Variants in AGBL4 observed in about 807,000 individuals in gnomAD.
AGBL4 encodes the protein cytosolic carboxypeptidase 6.
AGBL4 carries 58 observed loss-of-function variants against 66.4 expected under a neutral mutation model. That is an observed-to-expected ratio of 0.87 (90% CI 0.71 to 1.09). The LOEUF is 1.09. Ranked by LOEUF, AGBL4 falls within the 50% of genes least tolerant of loss-of-function variation. The probability of loss-of-function intolerance (pLI) is 0.00; values close to 1 mark genes in which losing one functional copy is unlikely to be tolerated. For missense variants in AGBL4, 579 were observed against 631.0 expected (o/e 0.92, Z 0.88); for synonymous variants, 234 against 222.9 (o/e 1.05, Z -0.44).
intron 3 of AGBL4, among the ~76,000 whole-genome samples, chr1:49,276,276 C>T (rs964326543): frequency 3.3e-5 from 5 of 152,034 alleles, no homozygotes; most frequent in Non-Finnish European, 7.4e-5. Context: ...CTCTTTTCTG[C>T]TTATTCCAGT....
intron 4 of AGBL4, among the ~76,000 whole-genome samples, chr1:49,053,436 G>T (rs1644255211): frequency 6.6e-6 from 1 of 152,086 alleles, no homozygotes; most frequent in Non-Finnish European, 1.5e-5. Context: ...CAAAGATGTT[G>T]TCCCTGCTGG....
At chr1:48,871,895 T>C (rs1448674689) in intron 5 of AGBL4, among the ~76,000 whole-genome samples, 1 of 152,080 alleles carries the variant, frequency 6.6e-6, no homozygotes, top group East Asian at 1.9e-4. Context: ...TCTCCAAAGG[T>C]AGAAGTCCTA....
At chr1:49,989,389 G>A (rs572123878) in intron 1 of AGBL4, among the ~76,000 whole-genome samples, 1 of 152,282 alleles carries the variant, frequency 6.6e-6, no homozygotes, top group East Asian at 1.9e-4. Context: ...ATAGGAACAA[G>A]GAGGGGACAA....
At chr1:49,180,190 G>A (rs1043262753) in intron 4 of AGBL4, among the ~76,000 whole-genome samples, 9 of 152,122 alleles carry the variant, frequency 5.9e-5, no homozygotes, top group Non-Finnish European at 1.0e-4. Flanking sequence ...GAGCCACTGC[G>A]CCCAGCTACT....
intron 6 of AGBL4, among the ~76,000 whole-genome samples, chr1:48,730,503 CAGA>C (rs772997447): frequency 6.6e-6 from 1 of 152,112 alleles, no homozygotes; most frequent in Non-Finnish European, 1.5e-5. Flanking sequence ...GCAAAGGAGA[CAGA>C]AGGAGAAGGC....
At chr1:49,896,231 T>A (rs1424181948) in intron 1 of AGBL4, among the ~76,000 whole-genome samples, 1 of 151,998 alleles carries the variant, frequency 6.6e-6, no homozygotes, top group Non-Finnish European at 1.5e-5. Context: ...CCCAGATATA[T>A]AAAGCAAATA....
chr1:49,055,312 GA>G (rs1243746214), intron 4 of AGBL4, among the ~76,000 whole-genome samples: 19 of 151,814 alleles, frequency 1.3e-4, no homozygotes, highest in African/African-American at 4.6e-4. Flanking sequence ...TTCCTGAAGG[GA>G]GCAAATAAGG....
At chr1:48,926,589 A>G in intron 5 of AGBL4, among the ~76,000 whole-genome samples, 1 of 151,950 alleles carries the variant, frequency 6.6e-6, no homozygotes, top group Non-Finnish European at 1.5e-5. Context: ...ACACCGGCCA[A>G]CCATGGATGA....
intron 11 of AGBL4, among the ~76,000 whole-genome samples, chr1:48,582,152 T>C (rs886399380): frequency 7.2e-5 from 11 of 152,236 alleles, no homozygotes; most frequent in African/African-American, 2.7e-4. Flanking sequence ...TAGCTATTGG[T>C]TGGGCCTGAC....
intron 3 of AGBL4, among the ~76,000 whole-genome samples, chr1:49,568,514 CACACACACAA>C (rs1459693117): frequency 6.6e-6 from 1 of 151,448 alleles, no homozygotes; most frequent in Non-Finnish European, 1.5e-5. Flanking sequence ...CACACACACA[CACACACACAA>C]ATGCCATGCT....
At chr1:49,270,852 T>G (rs1644042790) in intron 3 of AGBL4, among the ~76,000 whole-genome samples, 1 of 152,166 alleles carries the variant, frequency 6.6e-6, no homozygotes. Flanking sequence ...GATTTCTTAT[T>G]CCAAACAATT....
At chr1:48,919,097 G>T (rs532562467) in intron 5 of AGBL4, among the ~76,000 whole-genome samples, 6 of 152,262 alleles carry the variant, frequency 3.9e-5, no homozygotes, top group Admixed American at 3.9e-4. Context: ...GGCATTCTTT[G>T]AGCCTATTTT....
intron 3 of AGBL4, among the ~76,000 whole-genome samples, chr1:49,414,644 A>G (rs1320526831): frequency 6.6e-6 from 1 of 152,208 alleles, no homozygotes; most frequent in Admixed American, 6.5e-5. Context: ...CACCATTGCT[A>G]TAAGAGTGGT....
chr1:49,081,882 G>A (rs1196373844), intron 4 of AGBL4, among the ~76,000 whole-genome samples: 2 of 152,198 alleles, frequency 1.3e-5, no homozygotes, highest in African/African-American at 2.4e-5. Flanking sequence ...TCCATGAAGA[G>A]TAATGACCTT....
intron 3 of AGBL4, among the ~76,000 whole-genome samples, chr1:49,432,147 C>T (rs1001101340): frequency 2.0e-5 from 3 of 152,140 alleles, no homozygotes; most frequent in African/African-American, 7.2e-5. Context: ...CACCCCAGCA[C>T]CTGGACCTAT....
chr1:49,421,397 G>T (rs1470613351), intron 3 of AGBL4, among the ~76,000 whole-genome samples: 1 of 151,928 alleles, frequency 6.6e-6, no homozygotes, highest in Non-Finnish European at 1.5e-5. Flanking sequence ...GGAAGCTGTG[G>T]GTACTATGTC....
chr1:49,346,682 A>C (rs1341077128), intron 3 of AGBL4, among the ~76,000 whole-genome samples: 1 of 152,208 alleles, frequency 6.6e-6, no homozygotes, highest in African/African-American at 2.4e-5. Flanking sequence ...TCCTGAATAC[A>C]AGAGACCCTA....
In AGBL4 at chr1:48,669,142, A is replaced by G. The variant is rs539619387; in HGVS notation, c.635-5901T>C. On this transcript the variant is annotated intron_variant, in intron 6 of 13. Transcript: ENST00000371839. ...ACTGGGTCTCATAACCAGGTTCCAC[A>G]GAGTATTGACTGTGAGACCTTGGGC... 1.2e-4 allele frequency among the ~76,000 whole-genome samples: 18 copies of G among 152,332 alleles called. 1 individual carries two copies. The South Asian group carries it at 3.5e-3, about 30-fold the overall frequency.
At chr1:48,541,498 G>A (rs886825727) in intron 11 of AGBL4, among the ~76,000 whole-genome samples, 1 of 152,252 alleles carries the variant, frequency 6.6e-6, no homozygotes, top group Non-Finnish European at 1.5e-5. Context: ...CTGGGTGGGT[G>A]CAGTGGCTCA....
Sources: allele counts gnomAD v4.1 joint callset (sites outside exome capture counted in the v4.1 genomes callset), GRCh38; gene constraint gnomAD v4.1.1; transcripts MANE v1.5; gene names NCBI Gene and HGNC (gene_info 2026-07-23, HGNC 2026-07-21).